Variants in CELSR1 observed in about 807,000 individuals in gnomAD.
CELSR1 encodes the protein cadherin EGF LAG seven-pass G-type receptor 1.
A neutral mutation model predicts 249.1 loss-of-function variants in CELSR1; 110 were observed. The observed-to-expected ratio is 0.44, with a 90% CI of 0.38 to 0.52. The LOEUF (loss-of-function observed/expected upper bound fraction) is 0.52. Among genes scored for constraint, CELSR1 ranks in the 20% least tolerant of loss-of-function variants. The probability of loss-of-function intolerance (pLI) is 0.00; values close to 1 mark genes in which losing one functional copy is unlikely to be tolerated. For missense variants in CELSR1, 4,109 were observed against 4,296.4 expected (o/e 0.96, Z 1.22); for synonymous variants, 2,113 against 1,900.0 (o/e 1.11, Z -2.92).
chr22:46,361,418 AAAT>A lies in CELSR1; in HGVS notation c.*1802_*1804del, dbSNP rs1426768031. 2 of 152,428 alleles carry A rather than the reference AAAT, an allele frequency of 1.3e-5. No homozygotes were observed. Among genetic ancestry groups the A allele is most frequent in the Non-Finnish European group, 2.9e-5 (2 of 68,034 alleles). 9.4% of individuals were successfully genotyped at this position (152,428 alleles called of 1,614,324 possible). On this transcript the variant is annotated 3_prime_UTR_variant, in exon 35 of 35. Transcript: ENST00000674500. ...TGTTGGCTGTGGAGTACGTGGAAAA[AAAT>A]AGAACAAAAAAATTACACCTCAGGG...
Position 46,437,438 on chromosome 22 carries a change from A to G in CELSR1, c.4407-1149T>C, listed in dbSNP as rs1196309008. On this transcript the variant is annotated intron_variant, in intron 3 of 34. Coordinates refer to ENST00000674500, the MANE Select transcript of CELSR1 (RefSeq NM_001378328.1). This position sits in a 1 kb window ranked among gnomAD's most constrained non-coding sequence, Gnocchi z 4.9. ...GGCCCGAGCCAGCCTCGAGCATCTG[A>G]CCTCAGCCTTTTCTCTGGAGTTAAA... 6.6e-6 allele frequency among the ~76,000 whole-genome samples: 1 copy of G among 152,064 alleles called. No homozygotes were observed. The highest frequency in any genetic ancestry group is 1.5e-5 in the Non-Finnish European group (1 of 68,020).
Position 46,446,749 on chromosome 22 carries a change from C to T in CELSR1, c.4184-7338G>A, listed in dbSNP as rs879653541. ...CCATGAGTTACAAAACGACATAATT[C>T]CCATATTTGATTCAAATAGTGCAGG... On this transcript the variant is annotated intron_variant, in intron 2 of 34. Transcript: ENST00000674500. This position sits in a 1 kb window ranked among gnomAD's most constrained non-coding sequence, Gnocchi z 5.5. Among the ~76,000 whole-genome samples, 18 of 152,098 alleles carry T rather than the reference C, an allele frequency of 1.2e-4. No individual in the cohort carries two copies. Among genetic ancestry groups the T allele is most frequent in the Non-Finnish European group, 2.2e-4 (15 of 68,020 alleles).
intron 2 of CELSR1, among the ~76,000 whole-genome samples, chr22:46,455,858 A>G (rs146135335): frequency 7.0e-4 from 106 of 152,328 alleles, no homozygotes; most frequent in Admixed American, 1.6e-3. Context: ...TCCCCCGGCA[A>G]GATTTTTATA....
intron 1 of CELSR1, among the ~76,000 whole-genome samples, chr22:46,479,198 T>C (rs1300263631): frequency 6.6e-6 from 1 of 151,930 alleles, no homozygotes; most frequent in Non-Finnish European, 1.5e-5. Flanking sequence ...TCCCGGGGTT[T>C]TGCTGAATCC....
At position 46,518,307 on chromosome 22, in the gene CELSR1, T is replaced by C. The variant is rs2080649304; in HGVS notation, c.3544+15320A>G. ...GACCTTACTGAGGAGTCAGAGCCTG[T>C]GGGGGCACCATCAGCAGGGGCGCTC... is the stretch of plus-strand genomic sequence containing the variant. On this transcript the variant is annotated intron_variant, in intron 1 of 34. Coordinates refer to ENST00000674500, the MANE Select transcript of CELSR1 (RefSeq NM_001378328.1). This position sits in a 1 kb window ranked among gnomAD's most constrained non-coding sequence, Gnocchi z 5.2. Among the ~76,000 whole-genome samples, 5 of 152,152 alleles carry C rather than the reference T, an allele frequency of 3.3e-5. No homozygotes were observed. Among genetic ancestry groups the C allele is most frequent in the Admixed American group, 3.3e-4 (5 of 15,282 alleles).
chr22:46,425,408 G>A (rs2079525605), intron 5 of CELSR1, among the ~76,000 whole-genome samples: 1 of 152,138 alleles, frequency 6.6e-6, no homozygotes, highest in Admixed American at 6.6e-5. Flanking sequence ...AAGCCATCTG[G>A]GCCCGGAGAT....
chr22:46,533,731 T>C lies in CELSR1; in HGVS notation c.3440A>G (p.Glu1147Gly). The change falls in exon 1 of 35, where the codon GAG (glutamate) becomes GGG (glycine). Residue 1147 changes from glutamate (E) to glycine (G), a missense_variant. Around this residue, in one of 7 missense-constraint regions of CELSR1, gnomAD observed 886 missense variants for 896.5 expected, o/e 0.99. Transcript: ENST00000674500. ...SLNYTFVQGNELRLLLLDPAT... is the reference protein window; with the variant it reads ...SLNYTFVQGNGLRLLLLDPAT... ...GGGGTCCAGCAGCAACAGGCGCAGC[T>C]CGTTGCCCTGCACGAAGGTGTAGTT... 4 of 1,613,222 alleles carry C rather than the reference T, an allele frequency of 2.5e-6. No homozygotes were observed. Among genetic ancestry groups the C allele is most frequent in the Non-Finnish European group, 2.5e-6 (3 of 1,180,002 alleles).
rs899758698 is a variant in CELSR1 at position 46,411,092 on chromosome 22, G to A, written c.4769+510C>T. Reference sequence around the variant, plus strand: ...TGCATGCCTGTAGTCCCAGCTACTCGGGAGGCTGTGGCAGGAGGATGGCTT... The same window carrying A: ...TGCATGCCTGTAGTCCCAGCTACTCAGGAGGCTGTGGCAGGAGGATGGCTT... On this transcript the variant is annotated intron_variant, in intron 6 of 34. Coordinates refer to ENST00000674500, the MANE Select transcript of CELSR1 (RefSeq NM_001378328.1). The surrounding 1 kb of genome is among the most constrained non-coding windows in gnomAD (Gnocchi z 4.2). 5.9e-5 allele frequency among the ~76,000 whole-genome samples: 9 copies of A among 152,106 alleles called. No homozygotes were observed. The highest frequency in any genetic ancestry group is 1.9e-4 in the African/African-American group (8 of 41,404).
chr22:46,490,780 T>C lies in CELSR1; in HGVS notation c.3545-26435A>G, dbSNP rs5768826. ...GAGTGAGTTTCTGGTTTTGCCGCTCTTGTGAACAACCACCCACCATCGAGC... is the reference window on the plus strand; with the variant it reads ...GAGTGAGTTTCTGGTTTTGCCGCTCCTGTGAACAACCACCCACCATCGAGC... On this transcript the variant is annotated intron_variant, in intron 1 of 34. Coordinates refer to ENST00000674500, the MANE Select transcript of CELSR1 (RefSeq NM_001378328.1). The surrounding 1 kb of genome is among the most constrained non-coding windows in gnomAD (Gnocchi z 5.2). Among the ~76,000 whole-genome samples the C allele has an allele frequency of 0.55, 84,259 of 151,860 alleles. 24,484 individuals carry two copies. Among genetic ancestry groups the C allele is most frequent in the African/African-American group, 0.73 (30,337 of 41,388 alleles).
intron 5 of CELSR1, among the ~76,000 whole-genome samples, chr22:46,426,369 C>T (rs1397126137): frequency 1.3e-5 from 2 of 152,168 alleles, no homozygotes; most frequent in Non-Finnish European, 2.9e-5. Flanking sequence ...GCATCTGTTT[C>T]TCACAGTTCT....
rs1255786359 is a variant in CELSR1 at position 46,398,094 on chromosome 22, T to C, written c.5527-246A>G. ...GCTCCTGGGGTGCGCGGTGGGGGCGTGAGGAGTGGATGTCCCTGCCGAGGG... is the reference window on the plus strand; with the variant it reads ...GCTCCTGGGGTGCGCGGTGGGGGCGCGAGGAGTGGATGTCCCTGCCGAGGG... On this transcript the variant is annotated intron_variant, in intron 11 of 34. Coordinates refer to ENST00000674500, the MANE Select transcript of CELSR1 (RefSeq NM_001378328.1). The surrounding 1 kb of genome is among the most constrained non-coding windows in gnomAD (Gnocchi z 7.2). 1.3e-5 allele frequency among the ~76,000 whole-genome samples: 2 copies of C among 151,180 alleles called. No individual in the cohort carries two copies. The highest frequency in any genetic ancestry group is 1.3e-4 in the Admixed American group (2 of 15,212).
rs2079627875 is a variant in CELSR1 at position 46,433,984 on chromosome 22, T to C, written c.4523-503A>G. On this transcript the variant is annotated intron_variant, in intron 4 of 34. Coordinates refer to ENST00000674500, the MANE Select transcript of CELSR1 (RefSeq NM_001378328.1). This position sits in a 1 kb window ranked among gnomAD's most constrained non-coding sequence, Gnocchi z 5.7. ...GGGCGTGAGCCACCGCGCCTGGCCT[T>C]GTTCCTTTTCTAAATATGAAAAAAT... Among the ~76,000 whole-genome samples, 1 of 152,180 alleles carries C rather than the reference T, an allele frequency of 6.6e-6. No individual in the cohort carries two copies. The highest frequency in any genetic ancestry group is 2.4e-5 in the African/African-American group (1 of 41,440).
At chr22:46,386,196 C>T (rs1464171018) in intron 19 of CELSR1, among the ~76,000 whole-genome samples, 1 of 152,152 alleles carries the variant, frequency 6.6e-6, no homozygotes, top group Admixed American at 6.5e-5. Context: ...TCTCCAACTC[C>T]TGACCTCATG....
intron 1 of CELSR1, among the ~76,000 whole-genome samples, chr22:46,513,919 C>T (rs2080599962): frequency 6.6e-6 from 1 of 151,944 alleles, no homozygotes. Context: ...CAGCCCCCCC[C>T]GAGTAGCTGG....
intron 2 of CELSR1, among the ~76,000 whole-genome samples, chr22:46,458,811 G>A (rs887822427): frequency 6.6e-6 from 1 of 152,220 alleles, no homozygotes; most frequent in African/African-American, 2.4e-5. Context: ...CAGATACATG[G>A]GAAAGGCCGA....
intron 1 of CELSR1, among the ~76,000 whole-genome samples, chr22:46,483,854 G>A (rs1410863708): frequency 5.3e-5 from 8 of 152,124 alleles, no homozygotes; most frequent in African/African-American, 1.9e-4. Flanking sequence ...AACACTTTCA[G>A]GAGAGAAAAA....
chr22:46,460,057 A>T (rs775732127), intron 2 of CELSR1, among the ~76,000 whole-genome samples: 1 of 152,070 alleles, frequency 6.6e-6, no homozygotes, highest in Non-Finnish European at 1.5e-5. Flanking sequence ...AAATACAAAA[A>T]ATTAGCCGGG....
chr22:46,464,224 C>A lies in CELSR1; in HGVS notation c.3666G>T (p.Pro1222=), dbSNP rs778133015. 1 of 1,613,648 alleles carries A rather than the reference C, an allele frequency of 6.2e-7. No individual in the cohort carries two copies. Among genetic ancestry groups the A allele is most frequent in the Non-Finnish European group, 8.5e-7 (1 of 1,180,034 alleles). Residue 1222 remains proline (P), a synonymous_variant, in exon 2 of 35, where the codon CCG becomes CCT. Coordinates refer to ENST00000674500, the MANE Select transcript of CELSR1 (RefSeq NM_001378328.1). This position sits in a 1 kb window ranked among gnomAD's most constrained non-coding sequence, Gnocchi z 8.5. The part of the protein sequence containing the change: ...ENMSQEKFLS[P]LLALFVEGVA... The stretch of plus-strand genomic sequence containing the variant: ...CCCCCTCCACGAAGAGGGCCAGCAG[C>A]GGGGACAGGAACTTCTCCTGGGACA...
chr22:46,371,304 G>A (rs1389443837), intron 25 of CELSR1, among the ~76,000 whole-genome samples: 1 of 94 alleles, frequency 0.011, no homozygotes, highest in Non-Finnish European at 0.02. Flanking sequence ...CCATGGCACT[G>A]GCCCCAGGTG....
Sources: allele counts gnomAD v4.1 joint callset (sites outside exome capture counted in the v4.1 genomes callset), GRCh38; gene constraint gnomAD v4.1.1; regional missense constraint gnomAD v4.1.1; non-coding constraint Gnocchi (gnomAD v3.1); transcripts MANE v1.5; gene names NCBI Gene and HGNC (gene_info 2026-07-23, HGNC 2026-07-21).